The following RFPL2 variants were observed in gnomAD, a reference collection of about 807,000 sequenced individuals.
RFPL2 encodes the protein ret finger protein-like 2.
A neutral mutation model predicts 17.8 loss-of-function variants in RFPL2; 13 were observed. The ratio of observed to expected loss-of-function variants is 0.73; its 90% CI spans 0.47 to 1.16. The LOEUF (loss-of-function observed/expected upper bound fraction) is 1.16, where lower values mean the gene tolerates loss of function less well. RFPL2 is among the 50% of genes most tolerant of loss of function. RFPL2 has a pLI of 0.00. For missense variants in RFPL2, 431 were observed against 479.3 expected (o/e 0.90, Z 0.94); for synonymous variants, 189 against 180.9 (o/e 1.04, Z -0.36).
chr22:32,195,762 T>G (rs961174351), intron 2 of RFPL2, among the ~76,000 whole-genome samples: 1 of 152,064 alleles, frequency 6.6e-6, no homozygotes, highest in Non-Finnish European at 1.5e-5. Context: ...CCGGCCAACA[T>G]TTATTATTTC....
intron 4 of RFPL2, among the ~76,000 whole-genome samples, chr22:32,191,970 T>TCA: frequency 6.6e-6 from 1 of 152,192 alleles, no homozygotes; most frequent in Middle Eastern, 3.4e-3. Flanking sequence ...AAAACTGATA[T>TCA]GATCACCAAT....
In RFPL2 at chr22:32,192,913, C is replaced by T. The variant is rs1315370595; in HGVS notation, c.545G>A (p.Arg182Gln). ...TACAGATGCCTTACCTTGGAACTTC[C>T]GCATCCTTGGGTTCATCTGCAGAAT... ...KKILQMNPRM[R>Q]KFQVDMTLDA... The change falls in exon 4 of 5, where the codon CGG becomes CAG. Residue 182 changes from arginine to glutamine, a missense_variant. Transcript: ENST00000652607. 9.3e-6 allele frequency: 15 copies of T among 1,611,446 alleles called. No homozygotes were observed. Among genetic ancestry groups the T allele is most frequent in the Admixed American group, 3.3e-5 (2 of 59,862 alleles).
rs1603209349 is a variant in RFPL2 at position 32,200,167 on chromosome 22, A to G, written c.119+2166T>C. 7.9e-6 allele frequency: 3 copies of G among 381,676 alleles called. No homozygotes were observed. In the Admixed American group the frequency reaches 1.1e-4, roughly 14 times the overall value. The allele number at this position is 381,676 out of a possible 1,614,324, so 23.6% of individuals were successfully genotyped here. ...CATCAATGGAGGTCCCGCAGCAGCTACAGCTGCCGGGTCACACACAAAGAG... is the reference window on the plus strand; with the variant it reads ...CATCAATGGAGGTCCCGCAGCAGCTGCAGCTGCCGGGTCACACACAAAGAG... On this transcript the variant is annotated intron_variant, in intron 2 of 4. Transcript: ENST00000652607.
Position 32,190,989 on chromosome 22 carries a change from C to A in RFPL2, c.920G>T (p.Gly307Val), listed in dbSNP as rs577523526. ...CTGCATGCCCATATCCAGAAAAATC[C>A]CCACTCGCTGTAACTTGCGGTCTAC... ...LFVDRKLQRV[G>V]IFLDMGMQNV... is the part of the protein sequence containing the mutation. The change falls in exon 5 of 5, where the codon GGG becomes GTG. Residue 307 changes from glycine to valine, a missense_variant. Physicochemically the swap from Gly to Val is moderately radical, Grantham distance 109 (BLOSUM62 -3). Transcript: ENST00000652607. 5 of 1,611,046 alleles carry A rather than the reference C, an allele frequency of 3.1e-6. No homozygotes were observed. The Admixed American group carries it at 6.7e-5, about 22-fold the overall frequency.
chr22:32,192,933 C>A lies in RFPL2; in HGVS notation c.525G>T (p.Leu175=). Residue 175 remains leucine, a synonymous_variant, in exon 4 of 5, where the codon CTG becomes CTT. Coordinates refer to ENST00000652607, the MANE Select transcript of RFPL2 (RefSeq NM_001394555.1). The part of the protein sequence containing the change: ...KELEPKLKKI[L]QMNPRMRKFQ... ...ACTTCCGCATCCTTGGGTTCATCTGCAGAATCTTCTTCAGCTTGGGCTCCA... is the reference window on the plus strand; with the variant it reads ...ACTTCCGCATCCTTGGGTTCATCTGAAGAATCTTCTTCAGCTTGGGCTCCA... 1 of 1,613,900 alleles carries A rather than the reference C, an allele frequency of 6.2e-7. No homozygotes were observed. Among genetic ancestry groups the A allele is most frequent in the Non-Finnish European group, 8.5e-7 (1 of 1,179,856 alleles).
intron 2 of RFPL2, chr22:32,199,903 G>C (rs5998298): frequency 0.072 from 31,988 of 443,810 alleles, 4,608 homozygotes; most frequent in African/African-American, 0.47. Flanking sequence ...ACCTCCTGCC[G>C]CTCGCCCACT....
At chr22:32,203,047 G>A in intron 1 of RFPL2, 1 of 985,802 alleles carries the variant, frequency 1.0e-6, no homozygotes, top group Non-Finnish European at 1.2e-6. Context: ...GCCGGGAAGA[G>A]GAGGACCGCT....
chr22:32,200,615 C>T (rs1484719538), intron 2 of RFPL2, among the ~76,000 whole-genome samples: 1 of 152,064 alleles, frequency 6.6e-6, no homozygotes, highest in Non-Finnish European at 1.5e-5. Context: ...CCAATTGCTG[C>T]CTCCTTCCTG....
At chr22:32,201,205 T>A (rs1923887578) in intron 2 of RFPL2, among the ~76,000 whole-genome samples, 1 of 151,936 alleles carries the variant, frequency 6.6e-6, no homozygotes, top group Non-Finnish European at 1.5e-5. Context: ...ACCTGGCTAA[T>A]TTTTTTGTAT....
Position 32,196,019 on chromosome 22 carries a change from C to T in RFPL2, c.120-1529G>A, listed in dbSNP as rs1254680112. 3.9e-5 allele frequency among the ~76,000 whole-genome samples: 6 copies of T among 152,176 alleles called. No individual in the cohort carries two copies. In the South Asian group the frequency reaches 1.2e-3, roughly 32 times the overall value. ...ACCAACCTCTCCCCAAGCTCCCCTG[C>T]CCCTTACCCTCCCAGCCTCTATACC... On this transcript the variant is annotated intron_variant, in intron 2 of 4. Transcript: ENST00000652607.
chr22:32,202,948 G>A (rs1423592107), intron 1 of RFPL2: 1 of 986,348 alleles, frequency 1.0e-6, no homozygotes, highest in Non-Finnish European at 1.2e-6. Context: ...ATAGGAGGCG[G>A]GTCCAGGAAG....
At position 32,191,332 on chromosome 22, in the gene RFPL2, T is replaced by G. The variant is rs527665979; in HGVS notation, c.577A>C (p.Asn193His). The G allele has an allele frequency of 3.1e-6, 5 of 1,613,306 alleles. No homozygotes were observed. In the East Asian group the frequency reaches 1.1e-4, roughly 36 times the overall value. The part of the protein sequence containing the change: ...KFQVDMTLDA[N>H]TANNFLLISD... ...ATGAGGAGGAAGTTGTTGGCTGTGTTGGCATCCAAGGTCATATCCACTGTG... is the reference window on the plus strand; with the variant it reads ...ATGAGGAGGAAGTTGTTGGCTGTGTGGGCATCCAAGGTCATATCCACTGTG... The change falls in exon 5 of 5, where the codon AAC (asparagine) becomes CAC (histidine). Residue 193 changes from asparagine (N) to histidine (H), a missense_variant. Asn to His is a moderately conservative substitution (Grantham distance 68, BLOSUM62 1). Coordinates refer to ENST00000652607, the MANE Select transcript of RFPL2 (RefSeq NM_001394555.1).
chr22:32,204,263 C>T (rs1387091852), intron 1 of RFPL2, among the ~76,000 whole-genome samples: 2 of 151,866 alleles, frequency 1.3e-5, no homozygotes, highest in Non-Finnish European at 2.9e-5. Flanking sequence ...AGTTCCCTGC[C>T]ATGCGCACTG....
chr22:32,198,720 G>A (rs1923619491), intron 2 of RFPL2, among the ~76,000 whole-genome samples: 1 of 151,876 alleles, frequency 6.6e-6, no homozygotes. Flanking sequence ...CCGGGCCCTG[G>A]GCAAAGACCT....
intron 3 of RFPL2, among the ~76,000 whole-genome samples, chr22:32,193,827 C>A (rs1299065244): frequency 7.4e-6 from 1 of 135,260 alleles, no homozygotes; most frequent in Non-Finnish European, 1.5e-5. Flanking sequence ...CCTGCCATTG[C>A]ACTCTGGCCT....
intron 2 of RFPL2, among the ~76,000 whole-genome samples, chr22:32,199,478 T>A (rs531129995): frequency 4.8e-4 from 73 of 152,230 alleles, no homozygotes; most frequent in African/African-American, 1.7e-3. Flanking sequence ...CAGGAGAGAC[T>A]GATCTGGGAG....
chr22:32,191,126 A>G lies in RFPL2; in HGVS notation c.783T>C (p.Ser261=), dbSNP rs913902372. 4 of 1,613,846 alleles carry G rather than the reference A, an allele frequency of 2.5e-6. No individual in the cohort carries two copies. The African/African-American group carries it at 4.0e-5, about 16-fold the overall frequency. Residue 261 remains serine, a synonymous_variant, in exon 5 of 5, where the codon TCT becomes TCC. Coordinates refer to ENST00000652607, the MANE Select transcript of RFPL2 (RefSeq NM_001394555.1). ...TEWDLGVCRE[S]VHRKGRIQLT... is the part of the protein sequence containing the mutation. ...GCTGGATCCTCCCTTTGCGGTGAAC[A>G]GATTCTCTGCAGACTCCCAGGTCCC...
At chr22:32,199,986 G>A (rs190057009) in intron 2 of RFPL2, 95 of 524,742 alleles carry the variant, frequency 1.8e-4, no homozygotes, top group African/African-American at 1.8e-3. Flanking sequence ...AAGCCAAAAG[G>A]CCACACTGCT....
intron 2 of RFPL2, 50 bp downstream of exon 2, chr22:32,202,283 A>T: frequency 6.4e-7 from 1 of 1,552,210 alleles, no homozygotes; most frequent in South Asian, 1.2e-5. Flanking sequence ...TCTTTCCCTT[A>T]TAAAGACTCC....
Sources: gnomAD v4.1 joint callset for allele counts (sites outside exome capture counted in the v4.1 genomes callset) on GRCh38, gnomAD v4.1.1 for gene constraint, MANE v1.5 for transcripts, NCBI Gene and HGNC (gene_info 2026-07-23, HGNC 2026-07-21) for gene names.